Variants in VAT1L observed in about 807,000 individuals in gnomAD.
VAT1L encodes vesicle amine transport 1 like, also known as putative NADPH-dependent quinone oxidoreductase VAT1L.
A neutral mutation model predicts 44.1 loss-of-function variants in VAT1L; 34 were observed. The observed-to-expected ratio is 0.77, with a 90% CI of 0.59 to 1.03. The LOEUF (loss-of-function observed/expected upper bound fraction) is 1.03. Ranked by LOEUF, VAT1L falls within the 50% of genes least tolerant of loss-of-function variation. VAT1L has a pLI of 0.00. For missense variants in VAT1L, 615 were observed against 538.8 expected, an observed-to-expected ratio of 1.14 and a Z score of -1.40; for synonymous variants, 253 against 202.2, an observed-to-expected ratio of 1.25 and a Z score of -2.13.
chr16:77,871,310 C>T (rs1039266321), intron 4 of VAT1L, among the ~76,000 whole-genome samples: 2 of 152,038 alleles, frequency 1.3e-5, no homozygotes, highest in African/African-American at 4.8e-5. Flanking sequence ...TCTGTTGACC[C>T]CCAGCCATGC....
chr16:77,964,820 T>G (rs1476697141), intron 7 of VAT1L, among the ~76,000 whole-genome samples: 5 of 138,460 alleles, frequency 3.6e-5, no homozygotes, highest in African/African-American at 8.2e-5. Flanking sequence ...TTAGATGGAG[T>G]TTCGCCCTTG....
At chr16:77,820,225 A>G (rs1881054393) in intron 2 of VAT1L, among the ~76,000 whole-genome samples, 1 of 152,110 alleles carries the variant, frequency 6.6e-6, no homozygotes, top group South Asian at 2.1e-4. Context: ...TTGAACTTTT[A>G]CCTAACACTA....
intron 7 of VAT1L, among the ~76,000 whole-genome samples, chr16:77,902,343 C>G (rs1011816879): frequency 2.6e-5 from 4 of 152,176 alleles, no homozygotes; most frequent in African/African-American, 9.7e-5. Context: ...TAATTTATCA[C>G]ATTACCATAA....
At chr16:77,876,926 T>C (rs2017093705) in intron 5 of VAT1L, among the ~76,000 whole-genome samples, 1 of 152,312 alleles carries the variant, frequency 6.6e-6, no homozygotes, top group African/African-American at 2.4e-5. Context: ...TCCCCTAAAC[T>C]ACTCCTGAGC....
At chr16:77,919,966 C>A (rs1384000819) in intron 7 of VAT1L, among the ~76,000 whole-genome samples, 1 of 152,058 alleles carries the variant, frequency 6.6e-6, no homozygotes, top group Non-Finnish European at 1.5e-5. Flanking sequence ...TGCCTGTAAT[C>A]CCAGCCTCTT....
In VAT1L at chr16:77,826,018, A is replaced by C. The variant is rs1485654383; in HGVS notation, c.579+557A>C. Among the ~76,000 whole-genome samples the C allele has an allele frequency of 1.5e-4, 11 of 73,068 alleles. No homozygotes were observed. In the South Asian group the frequency reaches 4.7e-3, roughly 31 times the overall value. The allele number at this position is 73,068 out of a possible 152,430, so 47.9% of individuals were successfully genotyped here. A position where few individuals can be genotyped will look rare whatever the true frequency, so the allele number is the denominator to read the frequency against. ...AGCCTGGGCGACAGAGCCAGACTCC[A>C]TCTCAAAAAAAAAAGAAAAAAAAAA... On this transcript the variant is annotated intron_variant, in intron 3 of 8. Coordinates refer to ENST00000302536, the MANE Select transcript of VAT1L (RefSeq NM_020927.3).
chr16:77,816,785 G>GA (rs977622582), intron 1 of VAT1L, 136 bp from the exon 2 acceptor site: 19,833 of 1,052,954 alleles, frequency 0.019, 99 homozygotes, highest in African/African-American at 0.069. Context: ...TTGCCAAAAA[G>GA]AAAAAAAAAA....
At chr16:77,972,733 A>G (rs1259742270) in intron 8 of VAT1L, among the ~76,000 whole-genome samples, 1 of 152,056 alleles carries the variant, frequency 6.6e-6, no homozygotes, top group Non-Finnish European at 1.5e-5. Context: ...GTAAGCCGTG[A>G]TTGCGTCATT....
At chr16:77,869,166 G>A (rs1482765025) in intron 4 of VAT1L, among the ~76,000 whole-genome samples, 2 of 152,182 alleles carry the variant, frequency 1.3e-5, no homozygotes. Flanking sequence ...AGTGCCTATA[G>A]AGATTTTGAA....
chr16:77,890,406 G>A (rs1324747109), intron 7 of VAT1L, among the ~76,000 whole-genome samples: 1 of 152,062 alleles, frequency 6.6e-6, no homozygotes, highest in Non-Finnish European at 1.5e-5. Context: ...CTTACATCCT[G>A]GGTAGGGGGA....
rs1429623910 is a variant in VAT1L, at chr16:77,884,249, C to A, written c.883-359C>A. On this transcript the variant is annotated intron_variant, in intron 6 of 8. Transcript: ENST00000302536. This position sits in a 1 kb window ranked among gnomAD's most constrained non-coding sequence, Gnocchi z 4.5. ...GACCAGCCTGGCCAAGATGGTGAAA[C>A]CCCATCCCTACTAAAAATACAAAAA... Among the ~76,000 whole-genome samples, 4 of 151,928 alleles carry A rather than the reference C, an allele frequency of 2.6e-5. No individual in the cohort carries two copies. Among genetic ancestry groups the A allele is most frequent in the Non-Finnish European group, 5.9e-5 (4 of 68,000 alleles).
chr16:77,968,800 A>C (rs983058931), intron 7 of VAT1L, among the ~76,000 whole-genome samples: 2 of 152,118 alleles, frequency 1.3e-5, no homozygotes, highest in African/African-American at 4.8e-5. Flanking sequence ...TAATTTTTTT[A>C]ATTACTGTAT....
chr16:77,962,743 G>GGAAGGAAGGAAGGAAA (rs1567523620), intron 7 of VAT1L, among the ~76,000 whole-genome samples: 1 of 122,384 alleles, frequency 8.2e-6, no homozygotes, highest in Non-Finnish European at 1.8e-5. Context: ...AAGGAAAGAA[G>GGAAGGAAGGAAGGAAA]GAAGGAAGGA....
intron 3 of VAT1L, among the ~76,000 whole-genome samples, chr16:77,842,907 T>G (rs2016720888): frequency 6.6e-6 from 1 of 152,230 alleles, no homozygotes; most frequent in Non-Finnish European, 1.5e-5. Flanking sequence ...CCGTTCCATT[T>G]TTGACAAGCA....
At chr16:77,848,217 A>C (rs2016775553) in intron 3 of VAT1L, among the ~76,000 whole-genome samples, 1 of 152,226 alleles carries the variant, frequency 6.6e-6, no homozygotes, top group South Asian at 2.1e-4. Flanking sequence ...AGGTGCCTCA[A>C]AATAGAACGG....
At chr16:77,849,060 G>C (rs1026512442) in intron 3 of VAT1L, among the ~76,000 whole-genome samples, 5 of 152,142 alleles carry the variant, frequency 3.3e-5, no homozygotes, top group Admixed American at 2.6e-4. Flanking sequence ...GACTAGGGGA[G>C]GGATAGCATT....
intron 7 of VAT1L, among the ~76,000 whole-genome samples, chr16:77,908,305 C>CA (rs1042381587): frequency 1.3e-5 from 2 of 149,920 alleles, no homozygotes; most frequent in African/African-American, 4.9e-5. Flanking sequence ...ATGAGAATTA[C>CA]AAAAAAATTA....
chr16:77,837,010 C>T (rs1035295299), intron 3 of VAT1L, among the ~76,000 whole-genome samples: 1 of 152,016 alleles, frequency 6.6e-6, no homozygotes, highest in Non-Finnish European at 1.5e-5. Context: ...GGTTAAGTAA[C>T]TTATTCCAGG....
intron 7 of VAT1L, among the ~76,000 whole-genome samples, chr16:77,954,025 T>C (rs2018074258): frequency 6.6e-6 from 1 of 152,192 alleles, no homozygotes. Context: ...ACATCCTGTG[T>C]GACCCCACCA....
Sources: allele counts gnomAD v4.1 joint callset (sites outside exome capture counted in the v4.1 genomes callset), GRCh38; gene constraint gnomAD v4.1.1; non-coding constraint Gnocchi (gnomAD v3.1); transcripts MANE v1.5; gene names NCBI Gene and HGNC (gene_info 2026-07-23, HGNC 2026-07-21).